Variants in CDR2L observed in about 807,000 individuals in gnomAD.
CDR2L encodes the protein cerebellar degeneration related protein 2 like.
A neutral mutation model predicts 36.1 loss-of-function variants in CDR2L; 19 were observed. That is an observed-to-expected ratio of 0.53 (90% CI 0.37 to 0.77). The LOEUF (loss-of-function observed/expected upper bound fraction) is 0.77, where lower values mean the gene tolerates loss of function less well. Ranked by LOEUF, CDR2L falls within the 30% of genes least tolerant of loss-of-function variation. The pLI, the probability that CDR2L is intolerant of heterozygous loss-of-function variation, is 0.00. For missense variants in CDR2L, 575 were observed against 627.2 expected, an observed-to-expected ratio of 0.92 and a Z score of 0.89; for synonymous variants, 285 against 280.4, an observed-to-expected ratio of 1.02 and a Z score of -0.16.
Position 74,987,669 on chromosome 17 carries a change from C to T in CDR2L, c.-375C>T, listed in dbSNP as rs1007164948. The T allele has an allele frequency of 5.9e-4, 92 of 156,004 alleles. No individual in the cohort carries two copies. The highest frequency in any genetic ancestry group is 3.0e-3 in the Middle Eastern group (1 of 328). The allele number at this position is 156,004 out of a possible 1,614,324, so 9.7% of individuals were successfully genotyped here. A position where few individuals can be genotyped will look rare whatever the true frequency, so the allele number is the denominator to read the frequency against. ...CGGCTCCGGTTGTCGCCGGGCGGGC[C>T]AGGAGCAGCGCGGACCCGAGCCGGG... On this transcript the variant is annotated 5_prime_UTR_variant, in exon 1 of 5. Transcript: ENST00000337231.
intron 2 of CDR2L, among the ~76,000 whole-genome samples, chr17:75,001,023 C>G (rs966807646): frequency 6.6e-6 from 1 of 151,364 alleles, no homozygotes; most frequent in African/African-American, 2.4e-5. Flanking sequence ...CACTTGAGGT[C>G]AGGAGTTCAA....
rs927541002 is a variant in CDR2L at position 74,990,500 on chromosome 17, G to A, written c.79+2378G>A. ...GAAATAGGACCAAACTCACAATGGC[G>A]TCAGAGTGAGGGGTTCTGCAGCTGT... On this transcript the variant is annotated intron_variant, in intron 1 of 4. Coordinates refer to ENST00000337231, the MANE Select transcript of CDR2L (RefSeq NM_014603.3). 7.2e-5 allele frequency among the ~76,000 whole-genome samples: 11 copies of A among 152,334 alleles called. 2 individuals carry two copies. In the South Asian group the frequency reaches 1.0e-3, roughly 14 times the overall value.
intron 1 of CDR2L, among the ~76,000 whole-genome samples, chr17:74,991,298 AG>A (rs1183955867): frequency 6.6e-6 from 1 of 150,880 alleles, no homozygotes; most frequent in East Asian, 2.0e-4. Flanking sequence ...GCTACTCAGG[AG>A]GCTGAGCCAG....
At chr17:74,998,809 G>A (rs969222948) in intron 1 of CDR2L, among the ~76,000 whole-genome samples, 1 of 152,198 alleles carries the variant, frequency 6.6e-6, no homozygotes, top group Non-Finnish European at 1.5e-5. Context: ...ACCACTCTCT[G>A]CTGTGTTGAC....
chr17:75,003,161 T>C, intron 4 of CDR2L, 22 bp from the exon 5 acceptor site: 1 of 1,553,136 alleles, frequency 6.4e-7, no homozygotes, highest in Non-Finnish European at 8.7e-7. Context: ...CCCACCCCGC[T>C]GCGACTCTCA....
chr17:74,989,410 A>AACACACACAC lies in CDR2L; in HGVS notation c.79+1316_79+1325dup, dbSNP rs61110164. 0.21 allele frequency among the ~76,000 whole-genome samples: 27,205 copies of AACACACACAC among 130,522 alleles called. 3,423 individuals are homozygous for AACACACACAC. Among genetic ancestry groups the AACACACACAC allele is most frequent in the Middle Eastern group, 0.29 (72 of 252 alleles). The allele number at this position is 130,522 out of a possible 152,430, so 85.6% of individuals were successfully genotyped here. On this transcript the variant is annotated intron_variant, in intron 1 of 4. Transcript: ENST00000337231. This position sits in a 1 kb window ranked among gnomAD's most constrained non-coding sequence, Gnocchi z 4.2. ...CTGAAATGAGATACAGCTCCTCTCA[A>AACACACACAC]ACACACACACACACACACACACACA...
rs961451752 is a variant in CDR2L, at chr17:75,005,065, C to T, written c.*991C>T. On this transcript the variant is annotated 3_prime_UTR_variant, in exon 5 of 5. Transcript: ENST00000337231. This position sits in a 1 kb window ranked among gnomAD's most constrained non-coding sequence, Gnocchi z 4.2. Reference sequence around the variant, plus strand: ...AATGTTCTGGACATGCACCACCAGCCGGTGGTCCCAATGTCCACCCCTGCC... The same window carrying T: ...AATGTTCTGGACATGCACCACCAGCTGGTGGTCCCAATGTCCACCCCTGCC... 3 of 152,804 alleles carry T rather than the reference C, an allele frequency of 2.0e-5. No individual in the cohort carries two copies. The highest frequency in any genetic ancestry group is 1.3e-4 in the Admixed American group (2 of 15,294). 9.5% of individuals were successfully genotyped at this position (152,804 alleles called of 1,614,324 possible). A position where few individuals can be genotyped will look rare whatever the true frequency, so the allele number is the denominator to read the frequency against.
chr17:75,004,065 C>A lies in CDR2L; in HGVS notation c.1389C>A (p.Ser463Arg). 1.9e-6 allele frequency: 3 copies of A among 1,605,938 alleles called. No homozygotes were observed. The highest frequency in any genetic ancestry group is 2.6e-6 in the Non-Finnish European group (3 of 1,176,034). ...ACGCCACCAAAGTCAAGACGCACAG[C>A]AGCAAGTGACCCTTCTCCGGCCTGC... ...DINATKVKTH[S>R]SK The change falls in exon 5 of 5, where the codon AGC becomes AGA. Residue 463 changes from serine to arginine, a missense_variant. Physicochemically the swap from Ser to Arg is moderately radical, Grantham distance 110. Coordinates refer to ENST00000337231, the MANE Select transcript of CDR2L (RefSeq NM_014603.3).
At chr17:74,997,213 G>A (rs1397914987) in intron 1 of CDR2L, among the ~76,000 whole-genome samples, 3 of 151,752 alleles carry the variant, frequency 2.0e-5, no homozygotes. Flanking sequence ...CAAGTAGCTG[G>A]GATTACAGGC....
chr17:74,999,018 C>CA (rs2039847183), intron 1 of CDR2L, among the ~76,000 whole-genome samples: 1 of 152,212 alleles, frequency 6.6e-6, no homozygotes, highest in Non-Finnish European at 1.5e-5. Context: ...GCCAGCATGC[C>CA]TCAAGGTAGA....
chr17:74,991,383 G>A (rs1259113324), intron 1 of CDR2L, among the ~76,000 whole-genome samples: 3 of 134,638 alleles, frequency 2.2e-5, no homozygotes, highest in Non-Finnish European at 4.6e-5. Flanking sequence ...TCCAGCCTGG[G>A]CAACAAGAGC....
At chr17:74,996,430 C>G (rs373259133) in intron 1 of CDR2L, among the ~76,000 whole-genome samples, 1 of 123,776 alleles carries the variant, frequency 8.1e-6, no homozygotes, top group Non-Finnish European at 1.6e-5. Context: ...GGAGACAAAG[C>G]GAGACTCCGT....
chr17:74,988,194 G>T (rs944191566), intron 1 of CDR2L, 72 bp downstream of exon 1: 158 of 1,167,216 alleles, frequency 1.4e-4, no homozygotes, highest in Non-Finnish European at 1.7e-5. Flanking sequence ...TCCATTGTTG[G>T]GCGCTATCAC....
Position 75,003,893 on chromosome 17 carries a change from A to G in CDR2L, c.1217A>G (p.Glu406Gly), listed in dbSNP as rs2039885982. ...SSWRDLRGGE[E>G]GQGEVKAGEK... ...TGGAGGGACCTGCGCGGGGGTGAGG[A>G]GGGCCAGGGTGAGGTCAAGGCAGGA... Residue 406 changes from glutamate to glycine, a missense_variant, in exon 5 of 5, where the codon GAG (glutamate) becomes GGG (glycine). Coordinates refer to ENST00000337231, the MANE Select transcript of CDR2L (RefSeq NM_014603.3). 1 of 1,606,628 alleles carries G rather than the reference A, an allele frequency of 6.2e-7. No homozygotes were observed. Among genetic ancestry groups the G allele is most frequent in the Non-Finnish European group, 8.5e-7 (1 of 1,176,994 alleles).
At chr17:74,997,687 T>C (rs2039838459) in intron 1 of CDR2L, among the ~76,000 whole-genome samples, 1 of 151,402 alleles carries the variant, frequency 6.6e-6, no homozygotes, top group Non-Finnish European at 1.5e-5. Flanking sequence ...AGGAGTTCAA[T>C]ACTAGCCTGG....
At chr17:74,998,708 C>T (rs1461050517) in intron 1 of CDR2L, among the ~76,000 whole-genome samples, 2 of 152,158 alleles carry the variant, frequency 1.3e-5, no homozygotes, top group African/African-American at 4.8e-5. Flanking sequence ...GAGAAGTTGA[C>T]AGGCACAGAC....
At chr17:74,994,940 G>A (rs371570148) in intron 1 of CDR2L, among the ~76,000 whole-genome samples, 26 of 151,962 alleles carry the variant, frequency 1.7e-4, no homozygotes, top group East Asian at 1.2e-3. Flanking sequence ...GTGGTAGCAC[G>A]CGCCTGTAGT....
At position 74,999,486 on chromosome 17, in the gene CDR2L, G is replaced by A. The variant is rs375568972; in HGVS notation, c.80-18G>A. ...GTCCTCTGCCTTTGTTCTCATGCTCGTGTTTCTCCTATCCTAGACTTGCAC... is the reference window on the plus strand; with the variant it reads ...GTCCTCTGCCTTTGTTCTCATGCTCATGTTTCTCCTATCCTAGACTTGCAC... On this transcript the variant is annotated intron_variant, in intron 1 of 4. Transcript: ENST00000337231. 8.7e-5 allele frequency: 131 copies of A among 1,507,592 alleles called. No homozygotes were observed. The highest frequency in any genetic ancestry group is 2.4e-5 in the East Asian group (1 of 41,216). The allele number at this position is 1,507,592 out of a possible 1,614,324, so 93.4% of individuals were successfully genotyped here.
intron 1 of CDR2L, among the ~76,000 whole-genome samples, chr17:74,994,329 A>G (rs547237511): frequency 2.6e-5 from 4 of 152,328 alleles, no homozygotes; most frequent in Non-Finnish European, 4.4e-5. Flanking sequence ...AGTTGCCTTT[A>G]TGCATCTTGA....
Sources: allele counts gnomAD v4.1 joint callset (sites outside exome capture counted in the v4.1 genomes callset), GRCh38; gene constraint gnomAD v4.1.1; non-coding constraint Gnocchi (gnomAD v3.1); transcripts MANE v1.5; gene names NCBI Gene and HGNC (gene_info 2026-07-23, HGNC 2026-07-21).